Variants in CANX observed in about 807,000 individuals in gnomAD.
CANX encodes epididymis secretory sperm binding protein.
Under a neutral mutation model 75.7 loss-of-function variants are expected in CANX, and 14 were observed. That is an observed-to-expected ratio of 0.19 (90% confidence interval 0.12 to 0.29). The LOEUF (loss-of-function observed/expected upper bound fraction) is 0.29. Among genes scored for constraint, CANX ranks in the 10% least tolerant of loss-of-function variants. CANX has a pLI of 1.00. For missense variants in CANX, 567 were observed against 713.2 expected (o/e 0.79, Z 2.34); for synonymous variants, 227 against 236.9 (o/e 0.96, Z 0.38).
upstream of CANX, among the ~76,000 whole-genome samples, chr5:179,697,200 A>G (rs998609553): frequency 1.3e-5 from 2 of 152,064 alleles, no homozygotes; most frequent in African/African-American, 4.8e-5. Context: ...ATCTGGGTCT[A>G]CGGGTGTGCA....
At chr5:179,697,933 T>C (rs1284948759), upstream of CANX, among the ~76,000 whole-genome samples, 1 of 152,066 alleles carries the variant, frequency 6.6e-6, no homozygotes, top group Non-Finnish European at 1.5e-5. Context: ...GGTTGGATGA[T>C]ACTAACTCAT....
At chr5:179,692,228 C>A (rs2113052683) in intron 1 of CANX, among the ~76,000 whole-genome samples, 1 of 152,178 alleles carries the variant, frequency 6.6e-6, no homozygotes, top group South Asian at 2.1e-4. Flanking sequence ...GTACGCACCA[C>A]CATGCCCGGC....
exon 1 of CANX, chr5:179,678,688 C>A: frequency 1.3e-6 from 2 of 1,536,276 alleles, no homozygotes; most frequent in Non-Finnish European, 8.7e-7. Context: ...CCGTCGGGAT[C>A]ACCTCGGGGT....
chr5:179,690,301 C>T (rs868216149), intron 1 of CANX, among the ~76,000 whole-genome samples: 1 of 152,160 alleles, frequency 6.6e-6, no homozygotes, highest in South Asian at 2.1e-4. Context: ...GTTGGCCAGG[C>T]GCAGTGGCTC....
At chr5:179,714,380 A>G (rs1031207722) in intron 7 of CANX, among the ~76,000 whole-genome samples, 5 of 152,256 alleles carry the variant, frequency 3.3e-5, no homozygotes, top group African/African-American at 1.2e-4. Flanking sequence ...TACAAGTACG[A>G]TATGTCAATA....
At chr5:179,701,405 G>T (rs543428069) in intron 1 of CANX, among the ~76,000 whole-genome samples, 12 of 151,938 alleles carry the variant, frequency 7.9e-5, no homozygotes, top group Admixed American at 3.3e-4. Flanking sequence ...AACCAGCCTC[G>T]CCAAAATGGT....
chr5:179,718,107 C>T (rs1306506783), intron 8 of CANX, among the ~76,000 whole-genome samples: 4 of 152,100 alleles, frequency 2.6e-5, no homozygotes, highest in African/African-American at 7.2e-5. Flanking sequence ...TGGGGTCAAG[C>T]GATCCTCTCC....
At chr5:179,695,404 A>T (rs530603911), upstream of CANX, among the ~76,000 whole-genome samples, 2 of 151,846 alleles carry the variant, frequency 1.3e-5, no homozygotes, top group South Asian at 4.2e-4. Context: ...ATCTCAGCTC[A>T]CCGCATCCTC....
chr5:179,683,456 A>G, intron 1 of CANX, among the ~76,000 whole-genome samples: 1 of 151,340 alleles, frequency 6.6e-6, no homozygotes, highest in East Asian at 2.0e-4. Flanking sequence ...TATAATGTAT[A>G]ATGTGAAGTA....
upstream of CANX, among the ~76,000 whole-genome samples, chr5:179,696,100 T>G (rs1379364969): frequency 6.6e-6 from 1 of 151,856 alleles, no homozygotes; most frequent in Non-Finnish European, 1.5e-5. Flanking sequence ...TTGTATATTT[T>G]GTAGAGATGG....
intron 7 of CANX, among the ~76,000 whole-genome samples, chr5:179,714,165 A>G (rs1346777959): frequency 2.6e-5 from 4 of 151,854 alleles, no homozygotes; most frequent in African/African-American, 4.8e-5. Flanking sequence ...TGCCCGGCCA[A>G]TTTTTTTGTA....
intron 7 of CANX, among the ~76,000 whole-genome samples, chr5:179,713,067 C>T (rs2113195282): frequency 6.6e-6 from 1 of 151,960 alleles, no homozygotes; most frequent in South Asian, 2.1e-4. Context: ...CTGTACCCAG[C>T]CTAGAATATA....
intron 7 of CANX, among the ~76,000 whole-genome samples, chr5:179,712,911 ATTATTT>A (rs1373079664): frequency 2.4e-5 from 3 of 127,202 alleles, no homozygotes; most frequent in East Asian, 2.1e-4. Flanking sequence ...TTTTATTATT[ATTATTT>A]TTTTTTTTTT....
intron 1 of CANX, among the ~76,000 whole-genome samples, chr5:179,680,569 A>G (rs1776036980): frequency 6.6e-6 from 1 of 152,096 alleles, no homozygotes. Flanking sequence ...GGCTCAAAGT[A>G]TCAGGGATTG....
chr5:179,726,172 C>T (rs868153186), intron 13 of CANX, among the ~76,000 whole-genome samples: 29 of 151,646 alleles, frequency 1.9e-4, no homozygotes, highest in South Asian at 8.3e-4. Context: ...CCTGTAATCC[C>T]GGCTACTCCG....
At chr5:179,720,601 T>A in intron 10 of CANX, 41 bp downstream of exon 10, 1 of 1,585,010 alleles carries the variant, frequency 6.3e-7, no homozygotes, top group Non-Finnish European at 8.7e-7. Flanking sequence ...CATTAATCTG[T>A]TTGTATTCAG....
chr5:179,728,181 A>C (rs2113296082), intron 14 of CANX, among the ~76,000 whole-genome samples: 1 of 152,316 alleles, frequency 6.6e-6, no homozygotes, highest in South Asian at 2.1e-4. Context: ...CTTGTGATAG[A>C]GTACAGAGCA....
chr5:179,716,416 T>C, intron 8 of CANX, 122 bp downstream of exon 8: 1 of 686,726 alleles, frequency 1.5e-6, no homozygotes. Context: ...TGCAGTCTAA[T>C]CTGTAGGGAA....
intron 9 of CANX, 32 bp from the exon 10 acceptor site, chr5:179,720,372 C>T (rs983057168): frequency 6.3e-7 from 1 of 1,599,168 alleles, no homozygotes; most frequent in Non-Finnish European, 8.6e-7. Context: ...ATCACAGAAC[C>T]TGTTTATAAT....
Sources: gnomAD v4.1 joint callset for allele counts (sites outside exome capture counted in the v4.1 genomes callset) on GRCh38, gnomAD v4.1.1 for gene constraint, MANE v1.5 for transcripts, NCBI Gene and HGNC (gene_info 2026-07-23, HGNC 2026-07-21) for gene names.